The following HSPA12A variants were observed in gnomAD, a reference collection of about 807,000 sequenced individuals.
HSPA12A encodes heat shock 70 kDa protein 12A.
A neutral mutation model predicts 69.2 loss-of-function variants in HSPA12A; 28 were observed. The observed-to-expected ratio is 0.40, with a 90% CI of 0.30 to 0.55. The LOEUF (loss-of-function observed/expected upper bound fraction) is 0.55, where lower values mean the gene tolerates loss of function less well. HSPA12A is among the 20% of genes least tolerant of loss of function. The pLI is 0.38. For synonymous variants in HSPA12A, 345 were observed against 370.5 expected (o/e 0.93, Z 0.79); for missense variants, 686 against 900.7 (o/e 0.76, Z 3.05).
At chr10:116,684,886 A>C (rs191133096) in intron 6 of HSPA12A, among the ~76,000 whole-genome samples, 1 of 152,132 alleles carries the variant, frequency 6.6e-6, no homozygotes. Context: ...GGGCCAGCTC[A>C]AGAGGCCCTG....
At chr10:116,713,539 C>G (rs1030889756) in intron 1 of HSPA12A, among the ~76,000 whole-genome samples, 1 of 152,164 alleles carries the variant, frequency 6.6e-6, no homozygotes, top group Non-Finnish European at 1.5e-5. Flanking sequence ...GTTACCCCTC[C>G]TACCTCCCTG....
At chr10:116,778,011 C>A (rs565039539) in intron 2 of HSPA12A, among the ~76,000 whole-genome samples, 17 of 152,288 alleles carry the variant, frequency 1.1e-4, no homozygotes, top group Admixed American at 9.8e-4. Flanking sequence ...CAGACACGAG[C>A]CACTGCACCC....
At chr10:116,733,900 A>C (rs1554886124) in intron 1 of HSPA12A, among the ~76,000 whole-genome samples, 1 of 152,184 alleles carries the variant, frequency 6.6e-6, no homozygotes, top group Non-Finnish European at 1.5e-5. Context: ...ACCCTATTGT[A>C]AGTCAAGGAG....
intron 3 of HSPA12A, among the ~76,000 whole-genome samples, chr10:116,703,473 G>T (rs1366596269): frequency 6.6e-6 from 1 of 151,794 alleles, no homozygotes; most frequent in African/African-American, 2.4e-5. Context: ...GTTTGAGGCT[G>T]CAGAGAGCCA....
intron 2 of HSPA12A, among the ~76,000 whole-genome samples, chr10:116,768,126 G>A (rs1170945562): frequency 1.3e-5 from 2 of 152,142 alleles, no homozygotes; most frequent in African/African-American, 4.8e-5. Flanking sequence ...CGGGTGAATG[G>A]ATCAAATGTG....
chr10:116,692,951 C>T (rs1175276590), intron 5 of HSPA12A, among the ~76,000 whole-genome samples: 1 of 152,194 alleles, frequency 6.6e-6, no homozygotes, highest in East Asian at 1.9e-4. Flanking sequence ...GGGAGTCTCA[C>T]TGCGCCCCTT....
intron 2 of HSPA12A, among the ~76,000 whole-genome samples, chr10:116,817,327 G>A (rs900646155): frequency 1.3e-5 from 2 of 152,038 alleles, no homozygotes; most frequent in Non-Finnish European, 2.9e-5. Context: ...CTACAAAGTC[G>A]GCTTAATTAA....
intron 2 of HSPA12A, chr10:116,829,631 G>C (rs1014892748): frequency 1.9e-4 from 29 of 152,242 alleles, no homozygotes; most frequent in African/African-American, 6.7e-4. Context: ...CAATACATAA[G>C]AACCCTTTTA....
intron 1 of HSPA12A, among the ~76,000 whole-genome samples, chr10:116,836,223 T>C (rs1845707949): frequency 6.6e-6 from 1 of 152,162 alleles, no homozygotes; most frequent in Admixed American, 6.5e-5. Context: ...TGAAAAGCTC[T>C]TGCTCCCTGC....
chr10:116,720,434 C>T (rs1283295084), intron 1 of HSPA12A, among the ~76,000 whole-genome samples: 1 of 152,230 alleles, frequency 6.6e-6, no homozygotes, highest in Non-Finnish European at 1.5e-5. Flanking sequence ...AGAATGCAGG[C>T]ACAGGGCCGG....
intron 2 of HSPA12A, chr10:116,830,867 G>C (rs1845601164): frequency 6.6e-6 from 1 of 152,352 alleles, no homozygotes; most frequent in Non-Finnish European, 1.5e-5. Flanking sequence ...TATATATAAA[G>C]AGCAAGAGGG....
rs114624087 is a variant in HSPA12A at position 116,750,433 on chromosome 10, A to G, written c.92-43148T>C. The G allele has an allele frequency of 4.8e-3, 2,950 of 618,850 alleles. 60 individuals are homozygous for G. The highest frequency in any genetic ancestry group is 0.042 in the African/African-American group (2,335 of 54,944). 38.3% of individuals were successfully genotyped at this position (618,850 alleles called of 1,614,324 possible). On this transcript the variant is annotated intron_variant, in intron 2 of 12. Transcript: ENST00000635765. ...GCTTGTCTACCCCTCATGGTACCCAATGATTCCCTGGTTATGATTTTGAAA... is the reference window on the plus strand; with the variant it reads ...GCTTGTCTACCCCTCATGGTACCCAGTGATTCCCTGGTTATGATTTTGAAA...
At chr10:116,699,343 G>A (rs1257658221) in intron 4 of HSPA12A, among the ~76,000 whole-genome samples, 1 of 152,180 alleles carries the variant, frequency 6.6e-6, no homozygotes, top group Non-Finnish European at 1.5e-5. Flanking sequence ...CCCAGAGAGA[G>A]GATGCTCTGC....
At chr10:116,750,124 G>T (rs2133084341) in intron 2 of HSPA12A, 1 of 558,526 alleles carries the variant, frequency 1.8e-6, no homozygotes. Flanking sequence ...ATATGATAAT[G>T]TGTGTACCTT....
chr10:116,676,397 A>T lies in HSPA12A; in HGVS notation c.1390+2T>A. On this transcript the variant is annotated splice_donor_variant, in intron 11 of 11. Transcript: ENST00000369209. LOFTEE classifies it high-confidence loss of function. ...GAGTGGCCGAGCCTGGCTGATACTT[A>T]CGGAGATGCTCAATGATGCTATCGA... The T allele has an allele frequency of 1.9e-6, 3 of 1,612,332 alleles. No homozygotes were observed. The highest frequency in any genetic ancestry group is 2.5e-6 in the Non-Finnish European group (3 of 1,178,796).
chr10:116,717,232 G>A (rs1850633917), intron 1 of HSPA12A, among the ~76,000 whole-genome samples: 1 of 152,124 alleles, frequency 6.6e-6, no homozygotes, highest in Non-Finnish European at 1.5e-5. Context: ...CAGACTCAGA[G>A]CTCTCTGACT....
chr10:116,699,206 C>T (rs1850008349), intron 4 of HSPA12A, among the ~76,000 whole-genome samples: 2 of 152,184 alleles, frequency 1.3e-5, no homozygotes, highest in African/African-American at 2.4e-5. Flanking sequence ...TTCCCCATTA[C>T]GCTGCCAACC....
chr10:116,781,788 AG>A (rs1554891830), intron 2 of HSPA12A, among the ~76,000 whole-genome samples: 1 of 152,144 alleles, frequency 6.6e-6, no homozygotes, highest in African/African-American at 2.4e-5. Flanking sequence ...GAGGTTGGGT[AG>A]GGGGTGTCCT....
chr10:116,678,586 GA>G (rs11435803), intron 10 of HSPA12A, among the ~76,000 whole-genome samples: 4,897 of 128,590 alleles, frequency 0.038, 275 homozygotes, highest in African/African-American at 0.13. Context: ...GGTACAAAGT[GA>G]AAAAAAAAAA....
Sources: gnomAD v4.1 joint callset for allele counts (sites outside exome capture counted in the v4.1 genomes callset) on GRCh38, gnomAD v4.1.1 for gene constraint, MANE v1.5 for transcripts, NCBI Gene and HGNC (gene_info 2026-07-23, HGNC 2026-07-21) for gene names.